EML5: variants seen among roughly 807,000 people sequenced by gnomAD.
EML5 encodes EMAP like 5.
EML5 carries 120 observed loss-of-function variants against 250.0 expected under a neutral mutation model. The ratio of observed to expected loss-of-function variants is 0.48; its 90% CI spans 0.41 to 0.56. The LOEUF (loss-of-function observed/expected upper bound fraction) is 0.56, where lower values mean the gene tolerates loss of function less well. Among genes scored for constraint, EML5 ranks in the 20% least tolerant of loss-of-function variants. The pLI is 0.00. For synonymous variants in EML5, 771 were observed against 806.5 expected, an observed-to-expected ratio of 0.96 and a Z score of 0.75; for missense variants, 2,006 against 2,437.6, an observed-to-expected ratio of 0.82 and a Z score of 3.73.
At chr14:88,759,113 G>T (rs1478646964) in intron 1 of EML5, among the ~76,000 whole-genome samples, 1 of 152,024 alleles carries the variant, frequency 6.6e-6, no homozygotes, top group Non-Finnish European at 1.5e-5. Flanking sequence ...AAAAATCACT[G>T]AATTGTGCAC....
At chr14:88,645,927 A>G (rs1331537141) in intron 29 of EML5, among the ~76,000 whole-genome samples, 2 of 152,198 alleles carry the variant, frequency 1.3e-5, no homozygotes, top group Non-Finnish European at 2.9e-5. Context: ...ATTTTGAATT[A>G]CTTAAATGTA....
At chr14:88,754,786 T>G in intron 1 of EML5, 115 bp from the exon 2 acceptor site, 1 of 921,864 alleles carries the variant, frequency 1.1e-6, no homozygotes, top group Non-Finnish European at 1.6e-6. Context: ...TTTATCCACT[T>G]TAGACAATTT....
intron 28 of EML5, among the ~76,000 whole-genome samples, chr14:88,647,687 C>CAAAAAAAAAAAATAAAAAA (rs2091421828): frequency 2.1e-5 from 1 of 48,744 alleles, no homozygotes; most frequent in African/African-American, 7.4e-5. Context: ...GAGACCGTCT[C>CAAAAAAAAAAAATAAAAAA]AAAAAAAAAA....
chr14:88,651,758 T>C (rs950146595), intron 27 of EML5, among the ~76,000 whole-genome samples: 2 of 152,004 alleles, frequency 1.3e-5, no homozygotes, highest in African/African-American at 2.4e-5. Context: ...TAAATACATA[T>C]GTAGCGCTTA....
At chr14:88,627,503 G>A (rs2090089764) in intron 34 of EML5, 143 bp downstream of exon 34, 1 of 726,574 alleles carries the variant, frequency 1.4e-6, no homozygotes, top group Non-Finnish European at 2.1e-6. Context: ...TATACCTACA[G>A]TACCACTGTG....
In EML5 at chr14:88,616,151, T is replaced by C. The variant is rs1388829713; in HGVS notation, c.5888A>G (p.Asp1963Gly). The change falls in exon 43 of 44, where the codon GAT becomes GGT. Residue 1963 changes from aspartate to glycine, a missense_variant. Physicochemically the swap from Asp to Gly is moderately conservative, Grantham distance 94 (BLOSUM62 -1). Around this residue, in one of 7 missense-constraint regions of EML5, gnomAD observed 56 missense variants for 55.1 expected, o/e 1.02. Coordinates refer to ENST00000554922, the MANE Select transcript of EML5 (RefSeq NM_183387.3). ...TGAGAAAGTTACTAACCTGCAGTCA[T>C]CACCTCCAGCACTAACAACATGTCG... Reference protein sequence around the residue: ...GDRHVVSAGGDDCSLFVWKCV... With the variant: ...GDRHVVSAGGGDCSLFVWKCV... The C allele has an allele frequency of 6.2e-7, 1 of 1,613,882 alleles. No individual in the cohort carries two copies. The highest frequency in any genetic ancestry group is 1.7e-5 in the Admixed American group (1 of 60,032).
At chr14:88,761,709 C>A (rs2094246570) in intron 1 of EML5, among the ~76,000 whole-genome samples, 1 of 152,158 alleles carries the variant, frequency 6.6e-6, no homozygotes, top group Admixed American at 6.5e-5. Flanking sequence ...TGGGTATATA[C>A]CCAGTAATGG....
intron 3 of EML5, among the ~76,000 whole-genome samples, chr14:88,744,850 C>T (rs2093981221): frequency 6.6e-6 from 1 of 152,056 alleles, no homozygotes; most frequent in South Asian, 2.1e-4. Flanking sequence ...AAAATGTACA[C>T]TTCACATTTT....
At chr14:88,729,957 G>C (rs1290841297) in intron 7 of EML5, among the ~76,000 whole-genome samples, 1 of 151,832 alleles carries the variant, frequency 6.6e-6, no homozygotes, top group East Asian at 1.9e-4. Flanking sequence ...GAGATACTGG[G>C]AAAGAGATGA....
At chr14:88,734,816 T>C (rs1174046865) in intron 7 of EML5, among the ~76,000 whole-genome samples, 1 of 152,002 alleles carries the variant, frequency 6.6e-6, no homozygotes, top group African/African-American at 2.4e-5. Context: ...AAATCCAGAA[T>C]GTGGGAAACG....
Position 88,785,801 on chromosome 14 carries a change from C to T in EML5, c.197+6506G>A, listed in dbSNP as rs539497051. On this transcript the variant is annotated intron_variant, in intron 1 of 43. Coordinates refer to ENST00000554922, the MANE Select transcript of EML5 (RefSeq NM_183387.3). Reference sequence around the variant, plus strand: ...CTGCAACAGTCTCCTAAGTGGTCTCCCTGCTTCCATCCTGCCCCTGCCTCT... The same window carrying T: ...CTGCAACAGTCTCCTAAGTGGTCTCTCTGCTTCCATCCTGCCCCTGCCTCT... Among the ~76,000 whole-genome samples, 6 of 152,288 alleles carry T rather than the reference C, an allele frequency of 3.9e-5. No individual in the cohort carries two copies. In the South Asian group the frequency reaches 8.3e-4, roughly 21 times the overall value.
Position 88,715,178 on chromosome 14 carries a change from A to G in EML5, c.1205T>C (p.Val402Ala), listed in dbSNP as rs1255276999. Reference protein sequence around the residue: ...VLRVRDMTEVVHIKDRKEAIH... With the variant: ...VLRVRDMTEVAHIKDRKEAIH... ...TGCCTCCTTCCTATCTTTAATATGTACAACTTCCGTCATATCTCTGTTAAA... is the reference window on the plus strand; with the variant it reads ...TGCCTCCTTCCTATCTTTAATATGTGCAACTTCCGTCATATCTCTGTTAAA... Residue 402 changes from valine (V) to alanine (A), a missense_variant, in exon 9 of 44, where the codon GTA (valine) becomes GCA (alanine). This residue lies in a region of EML5 where 1,375 missense variants were observed against 1,590.3 expected (regional missense o/e 0.86). Coordinates refer to ENST00000554922, the MANE Select transcript of EML5 (RefSeq NM_183387.3). The G allele has an allele frequency of 1.3e-6, 2 of 1,597,300 alleles. No homozygotes were observed. The highest frequency in any genetic ancestry group is 1.7e-6 in the Non-Finnish European group (2 of 1,171,220).
At chr14:88,666,043 A>C (rs1327081269) in intron 21 of EML5, among the ~76,000 whole-genome samples, 1 of 152,234 alleles carries the variant, frequency 6.6e-6, no homozygotes, top group Non-Finnish European at 1.5e-5. Context: ...AATGAAACTC[A>C]CTTCTGAATA....
chr14:88,725,256 T>G (rs2093649374), intron 8 of EML5, among the ~76,000 whole-genome samples: 1 of 152,286 alleles, frequency 6.6e-6, no homozygotes, highest in Admixed American at 6.5e-5. Context: ...ACAATGTGAA[T>G]GTACTTAATG....
At chr14:88,618,968 T>C (rs1041634365) in intron 39 of EML5, 156 bp from the exon 40 acceptor site, 9 of 572,994 alleles carry the variant, frequency 1.6e-5, no homozygotes, top group African/African-American at 3.8e-5. Context: ...ATACTGAGAT[T>C]GTCTGGGTTA....
At chr14:88,776,907 C>G (rs1248422201) in intron 1 of EML5, among the ~76,000 whole-genome samples, 1 of 151,754 alleles carries the variant, frequency 6.6e-6, no homozygotes, top group Non-Finnish European at 1.5e-5. Flanking sequence ...AAACAACAAC[C>G]AAAACAATGA....
intron 14 of EML5, among the ~76,000 whole-genome samples, chr14:88,699,293 C>CA (rs1353096377): frequency 1.3e-5 from 2 of 151,690 alleles, no homozygotes; most frequent in African/African-American, 4.8e-5. Flanking sequence ...TCTCAGAAGG[C>CA]AAAAAAATAG....
Position 88,620,760 on chromosome 14 carries a change from T to C in EML5, c.5369A>G (p.Asp1790Gly), listed in dbSNP as rs1487155217. 1 of 1,589,344 alleles carries C rather than the reference T, an allele frequency of 6.3e-7. No homozygotes were observed. Among genetic ancestry groups the C allele is most frequent in the Non-Finnish European group, 8.5e-7 (1 of 1,171,986 alleles). ...KKRDRRCAIH[D>G]IRFSPDSRYL... Reference sequence around the variant, plus strand: ...ATTCCATTTGTTCACTAACCTGATATCATGGATTGCACATCTCCTGTCTCT... The same window carrying C: ...ATTCCATTTGTTCACTAACCTGATACCATGGATTGCACATCTCCTGTCTCT... Residue 1790 changes from aspartate to glycine, a missense_variant, in exon 39 of 44, where the codon GAT (aspartate) becomes GGT (glycine). This residue lies in a region of EML5 where 405 missense variants were observed against 523.3 expected (regional missense o/e 0.77). Coordinates refer to ENST00000554922, the MANE Select transcript of EML5 (RefSeq NM_183387.3). This position sits in a 1 kb window ranked among gnomAD's most constrained non-coding sequence, Gnocchi z 4.3.
At chr14:88,682,194 A>G (rs184218393) in intron 20 of EML5, among the ~76,000 whole-genome samples, 163 bp from the exon 21 acceptor site, 5 of 152,368 alleles carry the variant, frequency 3.3e-5, no homozygotes, top group Admixed American at 2.6e-4. Context: ...GGGAAACACA[A>G]TAAAATACCT....
Sources: allele counts gnomAD v4.1 joint callset (sites outside exome capture counted in the v4.1 genomes callset), GRCh38; gene constraint gnomAD v4.1.1; regional missense constraint gnomAD v4.1.1; non-coding constraint Gnocchi (gnomAD v3.1); transcripts MANE v1.5; gene names NCBI Gene and HGNC (gene_info 2026-07-23, HGNC 2026-07-21).